Variants in GRIK4 observed in about 807,000 individuals in gnomAD.
The protein encoded by GRIK4 is glutamate ionotropic receptor kainate type subunit 4, also known as glutamate receptor ionotropic, kainate 4.
Under a neutral mutation model 104.9 loss-of-function variants are expected in GRIK4, and 40 were observed. The observed-to-expected ratio is 0.38, with a 90% CI of 0.30 to 0.50. The LOEUF (loss-of-function observed/expected upper bound fraction) is 0.50. Ranked by LOEUF, GRIK4 falls within the 20% of genes least tolerant of loss-of-function variation. GRIK4 has a pLI of 0.93. For synonymous variants in GRIK4, 485 were observed against 524.9 expected (o/e 0.92, Z 1.04); for missense variants, 1,047 against 1,308.1 (o/e 0.80, Z 3.08).
In GRIK4 at chr11:120,862,244, G is replaced by C; in HGVS notation, c.906+124G>C. The C allele has an allele frequency of 3.6e-6, 3 of 822,056 alleles. No individual in the cohort carries two copies. The South Asian group carries it at 5.0e-5, about 14-fold the overall frequency. 50.9% of individuals were successfully genotyped at this position (822,056 alleles called of 1,614,324 possible). A position where few individuals can be genotyped will look rare whatever the true frequency, so the allele number is the denominator to read the frequency against. ...CGTCTCCTGCTCCAGTCCCAGCTCA[G>C]AAAGGGAGGTAGAGAGGTGTGGGAA... is the stretch of plus-strand genomic sequence containing the variant. On this transcript the variant is annotated intron_variant, in intron 9 of 20. Transcript: ENST00000527524.
rs138367801 is a variant in GRIK4 at position 120,836,964 on chromosome 11, G to T, written c.744+120G>T. On this transcript the variant is annotated intron_variant, in intron 8 of 20. Transcript: ENST00000527524. The stretch of plus-strand genomic sequence containing the variant: ...TACAGGAGATAGAAGCAGAGGAGCA[G>T]AAGCCAACCAGAGAGGCAGGGCGTC... 62 of 662,602 alleles carry T rather than the reference G, an allele frequency of 9.4e-5. No individual in the cohort carries two copies. The African/African-American group carries it at 9.9e-4, about 11-fold the overall frequency. The allele number at this position is 662,602 out of a possible 1,614,324, so 41.0% of individuals were successfully genotyped here. A position where few individuals can be genotyped will look rare whatever the true frequency, so the allele number is the denominator to read the frequency against.
intron 1 of GRIK4, among the ~76,000 whole-genome samples, chr11:120,535,487 G>A (rs966351799): frequency 2.6e-5 from 4 of 152,078 alleles, no homozygotes; most frequent in Non-Finnish European, 5.9e-5. Context: ...CAGTGCTGAG[G>A]GCAGGGAGGT....
intron 14 of GRIK4, among the ~76,000 whole-genome samples, chr11:120,947,261 G>A (rs1046434912): frequency 2.6e-5 from 4 of 152,136 alleles, no homozygotes; most frequent in Non-Finnish European, 5.9e-5. Flanking sequence ...AATTAGCCGG[G>A]CATGGTGGCA....
Position 120,551,727 on chromosome 11 carries a change from G to A in GRIK4, c.-159+39840G>A, listed in dbSNP as rs564794462. On this transcript the variant is annotated intron_variant, in intron 1 of 20. Coordinates refer to ENST00000527524, the MANE Select transcript of GRIK4 (RefSeq NM_014619.5). ...ACCTGGGAGGCAGAGGTTGCAGTGA[G>A]CCGAGATCACACCGTTGCACTCCAG... 2.0e-3 allele frequency among the ~76,000 whole-genome samples: 307 copies of A among 151,364 alleles called. 1 individual carries two copies. The highest frequency in any genetic ancestry group is 7.2e-3 in the African/African-American group (297 of 41,144).
Position 120,606,230 on chromosome 11 carries a change from G to A in GRIK4, c.-158-47455G>A, listed in dbSNP as rs1591732846. Among the ~76,000 whole-genome samples, 3 of 152,330 alleles carry A rather than the reference G, an allele frequency of 2.0e-5. No individual in the cohort carries two copies. In the Middle Eastern group the frequency reaches 0.01, roughly 518 times the overall value. On this transcript the variant is annotated intron_variant, in intron 1 of 20. Coordinates refer to ENST00000527524, the MANE Select transcript of GRIK4 (RefSeq NM_014619.5). ...CACGTTTTTCATGGCATGGGGCCCA[G>A]ATTTGTCCTCGTACAGTGTTGTATT... is the stretch of plus-strand genomic sequence containing the variant.
intron 19 of GRIK4, among the ~76,000 whole-genome samples, chr11:120,973,913 A>ATTT (rs5795258): frequency 6.7e-6 from 1 of 149,042 alleles, no homozygotes. Flanking sequence ...CCCTTAAATC[A>ATTT]TTTTTTTTTT....
intron 1 of GRIK4, among the ~76,000 whole-genome samples, chr11:120,557,331 C>T (rs960415571): frequency 6.6e-6 from 1 of 152,186 alleles, no homozygotes; most frequent in Admixed American, 6.5e-5. Context: ...GGGAAGAAAA[C>T]GGTACCTCCT....
At chr11:120,932,163 T>A (rs991374198) in intron 13 of GRIK4, among the ~76,000 whole-genome samples, 1 of 151,990 alleles carries the variant, frequency 6.6e-6, no homozygotes, top group Non-Finnish European at 1.5e-5. Context: ...TACAATTTTT[T>A]TTTTTTTTTT....
At chr11:120,773,994 G>A (rs1042172168) in intron 3 of GRIK4, among the ~76,000 whole-genome samples, 2 of 152,146 alleles carry the variant, frequency 1.3e-5, no homozygotes, top group African/African-American at 4.8e-5. Flanking sequence ...CAATGAGCTC[G>A]CAATCCAAAA....
chr11:120,909,972 C>A (rs770194841), intron 13 of GRIK4, among the ~76,000 whole-genome samples: 3 of 152,174 alleles, frequency 2.0e-5, no homozygotes, highest in Non-Finnish European at 4.4e-5. Flanking sequence ...ATGAATGGGT[C>A]ATGAGCACTC....
intron 1 of GRIK4, among the ~76,000 whole-genome samples, chr11:120,519,963 G>A (rs190418861): frequency 6.7e-6 from 1 of 150,054 alleles, no homozygotes; most frequent in Admixed American, 6.6e-5. Context: ...CGCGATCTTG[G>A]CTCATTGCAA....
intron 1 of GRIK4, among the ~76,000 whole-genome samples, chr11:120,636,586 A>T (rs1405281856): frequency 6.6e-6 from 1 of 152,190 alleles, no homozygotes; most frequent in African/African-American, 2.4e-5. Flanking sequence ...TCACACCTGT[A>T]ATCCCAGCAC....
intron 1 of GRIK4, among the ~76,000 whole-genome samples, chr11:120,611,084 G>A (rs1482650193): frequency 6.6e-6 from 1 of 152,164 alleles, no homozygotes; most frequent in East Asian, 1.9e-4. Flanking sequence ...CCAGGAGAGG[G>A]TCAGCTCACC....
chr11:120,602,089 C>A (rs1291005382), intron 1 of GRIK4, among the ~76,000 whole-genome samples: 1 of 152,094 alleles, frequency 6.6e-6, no homozygotes, highest in African/African-American at 2.4e-5. Flanking sequence ...CCCGGGGCTG[C>A]CTTCCCCGGG....
chr11:120,917,258 AAAAAAAAAAAAAAAG>A (rs1215539187), intron 13 of GRIK4, among the ~76,000 whole-genome samples: 163 of 148,016 alleles, frequency 1.1e-3, no homozygotes, highest in African/African-American at 3.8e-3. Context: ...AAAAAAAAAA[AAAAAAAAAAAAAAAG>A]AAAGAAAGAA....
intron 8 of GRIK4, among the ~76,000 whole-genome samples, chr11:120,859,808 C>G (rs1325195274): frequency 2.0e-5 from 3 of 152,230 alleles, no homozygotes; most frequent in Non-Finnish European, 4.4e-5. Context: ...CCTTTTTCCC[C>G]TAATGGGAAT....
rs1009762695 is a variant in GRIK4, at chr11:120,524,118, G to A, written c.-159+12231G>A. ...ATTTTTTGTATTTTAATAGAGACAG[G>A]GTTTCATCATGTTAGCCAGGATGGT... On this transcript the variant is annotated intron_variant, in intron 1 of 20. Transcript: ENST00000527524. This position sits in a 1 kb window ranked among gnomAD's most constrained non-coding sequence, Gnocchi z 4.5. Among the ~76,000 whole-genome samples the A allele has an allele frequency of 6.6e-6, 1 of 152,022 alleles. No homozygotes were observed. The highest frequency in any genetic ancestry group is 2.4e-5 in the African/African-American group (1 of 41,382).
chr11:120,923,812 T>C (rs1943280246), intron 13 of GRIK4, among the ~76,000 whole-genome samples: 1 of 152,192 alleles, frequency 6.6e-6, no homozygotes, highest in African/African-American at 2.4e-5. Flanking sequence ...GCTAAGTAAC[T>C]TGCCCAGGAT....
At chr11:120,561,303 C>G (rs1483723367) in intron 1 of GRIK4, among the ~76,000 whole-genome samples, 1 of 152,044 alleles carries the variant, frequency 6.6e-6, no homozygotes, top group Non-Finnish European at 1.5e-5. Context: ...TGATGGAGCG[C>G]TTCTCCCTCA....
Sources: allele counts gnomAD v4.1 joint callset (sites outside exome capture counted in the v4.1 genomes callset), GRCh38; gene constraint gnomAD v4.1.1; non-coding constraint Gnocchi (gnomAD v3.1); transcripts MANE v1.5; gene names NCBI Gene and HGNC (gene_info 2026-07-23, HGNC 2026-07-21).